EFNA5: variants seen among roughly 807,000 people sequenced by gnomAD.
EFNA5 encodes ephrin A5.
In EFNA5, 5 loss-of-function variants were observed where a neutral mutation model predicts 22.9. That is an observed-to-expected ratio of 0.22 (90% CI 0.11 to 0.46). EFNA5 has a LOEUF of 0.46. Among genes scored for constraint, EFNA5 ranks in the 20% least tolerant of loss-of-function variants. EFNA5 has a pLI of 0.99. For missense variants in EFNA5, 237 were observed against 293.3 expected (o/e 0.81, Z 1.40); for synonymous variants, 113 against 112.2 (o/e 1.01, Z -0.04).
At chr5:107,525,649 A>G (rs1467539530) in intron 1 of EFNA5, among the ~76,000 whole-genome samples, 1 of 152,188 alleles carries the variant, frequency 6.6e-6, no homozygotes, top group Non-Finnish European at 1.5e-5. Context: ...ACTATTCATT[A>G]AGTGGAAGTG....
At chr5:107,631,383 T>C (rs535619486) in intron 1 of EFNA5, among the ~76,000 whole-genome samples, 11 of 152,092 alleles carry the variant, frequency 7.2e-5, no homozygotes, top group Middle Eastern at 3.4e-3. Context: ...TGTACATATA[T>C]ATATATATAC....
chr5:107,653,021 CAAG>C (rs1385433060), intron 1 of EFNA5, among the ~76,000 whole-genome samples: 1 of 151,930 alleles, frequency 6.6e-6, no homozygotes, highest in African/African-American at 2.4e-5. Flanking sequence ...TTAGGAGACC[CAAG>C]AGAGTGTGTA....
chr5:107,400,733 T>A (rs916328301), intron 2 of EFNA5, among the ~76,000 whole-genome samples: 3 of 152,208 alleles, frequency 2.0e-5, no homozygotes, highest in African/African-American at 7.2e-5. Context: ...TTACAAAAAA[T>A]AACCAAAGGC....
chr5:107,491,664 A>T (rs1746810131), intron 1 of EFNA5, among the ~76,000 whole-genome samples: 1 of 151,966 alleles, frequency 6.6e-6, no homozygotes, highest in Non-Finnish European at 1.5e-5. Context: ...AATTTTTATG[A>T]CTTTATATGT....
At chr5:107,462,557 G>A (rs1257527628) in intron 1 of EFNA5, among the ~76,000 whole-genome samples, 1 of 152,110 alleles carries the variant, frequency 6.6e-6, no homozygotes, top group Non-Finnish European at 1.5e-5. Flanking sequence ...GAGCTAATAT[G>A]TTCTTTCATT....
At chr5:107,606,542 C>T (rs1749729010) in intron 1 of EFNA5, among the ~76,000 whole-genome samples, 1 of 55,660 alleles carries the variant, frequency 1.8e-5, no homozygotes, top group South Asian at 1.0e-3. Flanking sequence ...ACGTACAACA[C>T]ACACACACAC....
intron 1 of EFNA5, among the ~76,000 whole-genome samples, chr5:107,517,054 C>T (rs567109489): frequency 2.0e-5 from 3 of 151,658 alleles, no homozygotes; most frequent in Non-Finnish European, 2.9e-5. Flanking sequence ...AAAATTATAT[C>T]GTGATGACTG....
chr5:107,571,551 T>TA (rs1561436606), intron 1 of EFNA5, among the ~76,000 whole-genome samples: 5 of 151,878 alleles, frequency 3.3e-5, no homozygotes, highest in African/African-American at 1.2e-4. Context: ...TTTTTTTTTT[T>TA]TAAAGAATAA....
chr5:107,564,943 C>A (rs764832357), intron 1 of EFNA5, among the ~76,000 whole-genome samples: 4 of 151,998 alleles, frequency 2.6e-5, no homozygotes, highest in Non-Finnish European at 1.5e-5. Flanking sequence ...GTGTGCTTGG[C>A]CAGTAAGTAA....
Position 107,423,396 on chromosome 5 carries a change from G to A in EFNA5, c.418+3821C>T, listed in dbSNP as rs187162740. ...CATTTCTAAATTGAGTATTTTTTAA[G>A]TTTCTAAAAGGAGTATTAAAAAAAA... On this transcript the variant is annotated intron_variant, in intron 2 of 4. Coordinates refer to ENST00000333274, the MANE Select transcript of EFNA5 (RefSeq NM_001962.3). Among the ~76,000 whole-genome samples the A allele has an allele frequency of 3.9e-4, 52 of 134,310 alleles. 1 individual carries two copies. The East Asian group carries it at 0.011, about 27-fold the overall frequency. The allele number at this position is 134,310 out of a possible 152,430, so 88.1% of individuals were successfully genotyped here. A position where few individuals can be genotyped will look rare whatever the true frequency, so the allele number is the denominator to read the frequency against.
chr5:107,574,791 G>C (rs6861754), intron 1 of EFNA5, among the ~76,000 whole-genome samples: 79 of 152,340 alleles, frequency 5.2e-4, no homozygotes, highest in African/African-American at 1.9e-3. Flanking sequence ...AAAGAAAAAG[G>C]CTGGTGAGAT....
At chr5:107,569,028 T>C (rs556793563) in intron 1 of EFNA5, among the ~76,000 whole-genome samples, 1 of 152,256 alleles carries the variant, frequency 6.6e-6, no homozygotes, top group East Asian at 1.9e-4. Context: ...CAAGTCCTTT[T>C]CCTGAGCTTT....
chr5:107,542,242 T>C (rs1445907428), intron 1 of EFNA5, among the ~76,000 whole-genome samples: 1 of 152,008 alleles, frequency 6.6e-6, no homozygotes, highest in Non-Finnish European at 1.5e-5. Flanking sequence ...TCTTGAAAAA[T>C]AAGAAACAAG....
rs144840464 is a variant in EFNA5, at chr5:107,478,952, T to C, written c.126-51443A>G. ...ACCTGTTGATCAGGAAAGTATACTA[T>C]ACCAAAAGAGATGCAAAGACATGTT... On this transcript the variant is annotated intron_variant, in intron 1 of 4. Coordinates refer to ENST00000333274, the MANE Select transcript of EFNA5 (RefSeq NM_001962.3). Among the ~76,000 whole-genome samples, 1,241 of 152,248 alleles carry C rather than the reference T, an allele frequency of 8.2e-3. 13 individuals are homozygous for C. Among genetic ancestry groups the C allele is most frequent in the African/African-American group, 0.028 (1,173 of 41,542 alleles).
chr5:107,451,847 C>T (rs1412122000), intron 1 of EFNA5, among the ~76,000 whole-genome samples: 1 of 152,068 alleles, frequency 6.6e-6, no homozygotes. Flanking sequence ...CCAGAAATAC[C>T]ATTTGACCCA....
At chr5:107,395,375 T>C (rs939935962) in intron 2 of EFNA5, among the ~76,000 whole-genome samples, 2 of 152,144 alleles carry the variant, frequency 1.3e-5, no homozygotes, top group Non-Finnish European at 1.5e-5. Flanking sequence ...TTAAGACAGC[T>C]TTAAATAAAT....
intron 1 of EFNA5, among the ~76,000 whole-genome samples, chr5:107,582,250 G>A (rs912257255): frequency 2.0e-5 from 3 of 152,114 alleles, no homozygotes; most frequent in African/African-American, 7.2e-5. Flanking sequence ...GTACCAGACT[G>A]GAATATAACA....
intron 1 of EFNA5, among the ~76,000 whole-genome samples, chr5:107,513,272 G>A (rs1387280762): frequency 6.6e-6 from 1 of 152,146 alleles, no homozygotes; most frequent in Non-Finnish European, 1.5e-5. Flanking sequence ...GAGAGAGAGA[G>A]AGAGAGACTC....
chr5:107,607,081 T>C (rs531936709), intron 1 of EFNA5, among the ~76,000 whole-genome samples: 2 of 152,216 alleles, frequency 1.3e-5, no homozygotes, highest in African/African-American at 2.4e-5. Flanking sequence ...ATATGGTCAC[T>C]CTGCCATTAG....
Sources: allele counts gnomAD v4.1 joint callset (sites outside exome capture counted in the v4.1 genomes callset), GRCh38; gene constraint gnomAD v4.1.1; transcripts MANE v1.5; gene names NCBI Gene and HGNC (gene_info 2026-07-23, HGNC 2026-07-21).